CCNF: variants seen among roughly 807,000 people sequenced by gnomAD.
CCNF encodes the protein cyclin-F.
In CCNF, 30 loss-of-function variants were observed where a neutral mutation model predicts 85.4. The observed-to-expected ratio is 0.35, with a 90% CI of 0.26 to 0.48. CCNF has a LOEUF of 0.48. Ranked by LOEUF, CCNF falls within the 20% of genes least tolerant of loss-of-function variation. The pLI is 0.99. For synonymous variants in CCNF, 439 were observed against 425.1 expected, an observed-to-expected ratio of 1.03 and a Z score of -0.40; for missense variants, 919 against 1,010.4, an observed-to-expected ratio of 0.91 and a Z score of 1.23.
intron 8 of CCNF, among the ~76,000 whole-genome samples, chr16:2,441,609 C>T (rs2065321380): frequency 6.6e-6 from 1 of 151,996 alleles, no homozygotes; most frequent in South Asian, 2.1e-4. Flanking sequence ...TCTCAGCTCA[C>T]TGCAACCTCT....
At chr16:2,434,132 C>T (rs527354294) in intron 3 of CCNF, among the ~76,000 whole-genome samples, 56 of 150,978 alleles carry the variant, frequency 3.7e-4, no homozygotes, top group African/African-American at 1.4e-3. Flanking sequence ...ATGGCAAAAC[C>T]CTGTCTCTAT....
chr16:2,450,503 C>G (rs2065388765), intron 13 of CCNF, among the ~76,000 whole-genome samples: 1 of 111,878 alleles, frequency 8.9e-6, no homozygotes, highest in South Asian at 3.1e-4. Context: ...GAGTGAAACT[C>G]CATCTCAAAA....
chr16:2,456,750 C>T lies in CCNF; in HGVS notation c.2091C>T (p.Val697=), dbSNP rs560815223. The change falls in exon 17 of 17, where the codon GTC becomes GTT. Residue 697 remains valine, a synonymous_variant. Transcript: ENST00000397066. The surrounding 1 kb of genome is among the most constrained non-coding windows in gnomAD (Gnocchi z 4.5). ...VRTSREPGKD[V]TTSGYSSVST... Reference sequence around the variant, plus strand: ...CCAGCCGGGAGCCAGGGAAGGACGTCACGACCTCAGGGTACTCCTCCGTCA... The same window carrying T: ...CCAGCCGGGAGCCAGGGAAGGACGTTACGACCTCAGGGTACTCCTCCGTCA... 2 of 1,612,338 alleles carry T rather than the reference C, an allele frequency of 1.2e-6. No homozygotes were observed. Among genetic ancestry groups the T allele is most frequent in the Admixed American group, 3.3e-5 (2 of 59,912 alleles).
chr16:2,442,942 ATTATTATATT>A, intron 8 of CCNF, among the ~76,000 whole-genome samples: 1 of 98,590 alleles, frequency 1.0e-5, no homozygotes, highest in Non-Finnish European at 1.8e-5. Context: ...ATTATTATAT[ATTATTATATT>A]ATATATTTTT....
intron 7 of CCNF, 46 bp downstream of exon 7, chr16:2,439,503 G>A (rs1203649368): frequency 1.5e-6 from 2 of 1,374,928 alleles, no homozygotes; most frequent in African/African-American, 1.4e-5. Flanking sequence ...GCTGGACAAA[G>A]GCGTAGTTGA....
Position 2,456,533 on chromosome 16 carries a change from A to C in CCNF, c.1886-12A>C, listed in dbSNP as rs1567392343. 1 of 1,513,418 alleles carries C rather than the reference A, an allele frequency of 6.6e-7. No homozygotes were observed. Among genetic ancestry groups the C allele is most frequent in the Admixed American group, 2.2e-5 (1 of 46,036 alleles). 93.7% of individuals were successfully genotyped at this position (1,513,418 alleles called of 1,614,324 possible). A position where few individuals can be genotyped will look rare whatever the true frequency, so the allele number is the denominator to read the frequency against. ...TGTGACATGACTTCCCTCCCCACCA[A>C]CCTTCCTGCAGTGACAGCTCCCAGC... On this transcript the variant is annotated splice_polypyrimidine_tract_variant and intron_variant, in intron 16 of 16. Coordinates refer to ENST00000397066, the MANE Select transcript of CCNF (RefSeq NM_001761.3). This position sits in a 1 kb window ranked among gnomAD's most constrained non-coding sequence, Gnocchi z 4.5.
At chr16:2,439,925 T>C in intron 8 of CCNF, 99 bp downstream of exon 8, 1 of 1,022,082 alleles carries the variant, frequency 9.8e-7, no homozygotes. Context: ...CAGGACTATC[T>C]GGGCTCCCAC....
At chr16:2,435,663 ACACATATATAT>A (rs2065286235) in intron 3 of CCNF, 132 bp from the exon 4 acceptor site, 1 of 151,286 alleles carries the variant, frequency 6.6e-6, no homozygotes, top group African/African-American at 2.6e-4. Flanking sequence ...ATGCACACAC[ACACATATATAT>A]ATATATATAT....
intron 4 of CCNF, 93 bp from the exon 5 acceptor site, chr16:2,437,036 T>G (rs2065294619): frequency 1.8e-6 from 2 of 1,106,506 alleles, no homozygotes; most frequent in Non-Finnish European, 2.5e-6. Context: ...ATGGTGGGCT[T>G]CAGGCATTAC....
At chr16:2,434,098 G>T (rs1162118709) in intron 3 of CCNF, among the ~76,000 whole-genome samples, 1 of 151,974 alleles carries the variant, frequency 6.6e-6, no homozygotes, top group Non-Finnish European at 1.5e-5. Flanking sequence ...TTGAGGTCGG[G>T]AGTTCGAGAC....
At chr16:2,450,694 C>T (rs2065390026) in intron 13 of CCNF, among the ~76,000 whole-genome samples, 1 of 152,188 alleles carries the variant, frequency 6.6e-6, no homozygotes, top group African/African-American at 2.4e-5. Context: ...CACTGGCACA[C>T]CGTGGCCCTC....
chr16:2,456,872 C>T lies in CCNF; in HGVS notation c.2213C>T (p.Pro738Leu). 1.2e-6 allele frequency: 2 copies of T among 1,614,186 alleles called. No homozygotes were observed. The highest frequency in any genetic ancestry group is 1.7e-6 in the Non-Finnish European group (2 of 1,180,042). Reference sequence around the variant, plus strand: ...CTGGACAGTGACTCGCACACACAGCCCTGCCACCATCAGGCCAGGAAGTCA... The same window carrying T: ...CTGGACAGTGACTCGCACACACAGCTCTGCCACCATCAGGCCAGGAAGTCA... ...LSLDSDSHTQ[P>L]CHHQARKSCL... The change falls in exon 17 of 17, where the codon CCC becomes CTC. Residue 738 changes from proline (P) to leucine (L), a missense_variant. Coordinates refer to ENST00000397066, the MANE Select transcript of CCNF (RefSeq NM_001761.3). The surrounding 1 kb of genome is among the most constrained non-coding windows in gnomAD (Gnocchi z 4.5).
At chr16:2,441,937 T>TTTTA (rs1491412622) in intron 8 of CCNF, among the ~76,000 whole-genome samples, 4 of 60,164 alleles carry the variant, frequency 6.6e-5, no homozygotes, top group South Asian at 7.0e-4. Flanking sequence ...TATTAGCAAA[T>TTTTA]TATATATATA....
rs2065402808 is a variant in CCNF, at chr16:2,452,909, T to G, written c.1488-301T>G. 2.3e-6 allele frequency: 1 copy of G among 441,352 alleles called. No individual in the cohort carries two copies. Among genetic ancestry groups the G allele is most frequent in the Middle Eastern group, 6.3e-4 (1 of 1,594 alleles). 27.3% of individuals were successfully genotyped at this position (441,352 alleles called of 1,614,324 possible). A position where few individuals can be genotyped will look rare whatever the true frequency, so the allele number is the denominator to read the frequency against. Reference sequence around the variant, plus strand: ...CATGGCTGAATAATATTCCCCTGCATGGACCACATGTGTTTATCCATCCCG... The same window carrying G: ...CATGGCTGAATAATATTCCCCTGCAGGGACCACATGTGTTTATCCATCCCG... On this transcript the variant is annotated intron_variant, in intron 13 of 16. Coordinates refer to ENST00000397066, the MANE Select transcript of CCNF (RefSeq NM_001761.3). This position sits in a 1 kb window ranked among gnomAD's most constrained non-coding sequence, Gnocchi z 4.1.
At chr16:2,454,876 A>G (rs2065416476) in intron 15 of CCNF, among the ~76,000 whole-genome samples, 1 of 152,132 alleles carries the variant, frequency 6.6e-6, no homozygotes, top group Non-Finnish European at 1.5e-5. Flanking sequence ...CCTGCCCATC[A>G]TGGTGAAACC....
intron 10 of CCNF, among the ~76,000 whole-genome samples, chr16:2,446,409 G>A (rs952511768): frequency 7.2e-5 from 11 of 152,248 alleles, no homozygotes; most frequent in African/African-American, 2.7e-4. Context: ...CTCCAGCCAC[G>A]TGGGTGTCTC....
At chr16:2,437,408 TG>T in intron 5 of CCNF, 86 bp downstream of exon 5, 1 of 1,075,762 alleles carries the variant, frequency 9.3e-7, no homozygotes, top group Admixed American at 2.9e-5. Flanking sequence ...TCCTGGACCC[TG>T]GAAAGTCAGG....
intron 9 of CCNF, among the ~76,000 whole-genome samples, chr16:2,445,127 G>A (rs747158415): frequency 1.3e-5 from 2 of 152,154 alleles, no homozygotes; most frequent in African/African-American, 2.4e-5. Context: ...CCCGCTCCCT[G>A]CACGCCCCGA....
chr16:2,444,080 C>T (rs1182477446), intron 9 of CCNF, among the ~76,000 whole-genome samples: 1 of 151,894 alleles, frequency 6.6e-6, no homozygotes, highest in Non-Finnish European at 1.5e-5. Context: ...CCACCATGCC[C>T]GGCTAATTTT....
Sources: gnomAD v4.1 joint callset for allele counts (sites outside exome capture counted in the v4.1 genomes callset) on GRCh38, gnomAD v4.1.1 for gene constraint, Gnocchi (gnomAD v3.1) non-coding constraint, MANE v1.5 for transcripts, NCBI Gene and HGNC (gene_info 2026-07-23, HGNC 2026-07-21) for gene names.